The following RBFOX1 variants were observed in gnomAD, a reference collection of about 807,000 sequenced individuals.
The protein encoded by RBFOX1 is RNA binding fox-1 homolog 1, also known as RNA binding protein fox-1 homolog 1.
Under a neutral mutation model 57.7 loss-of-function variants are expected in RBFOX1, and 8 were observed. The ratio of observed to expected loss-of-function variants is 0.14; its 90% CI spans 0.08 to 0.25. The LOEUF (loss-of-function observed/expected upper bound fraction) is 0.25. Among genes scored for constraint, RBFOX1 ranks in the 10% least tolerant of loss-of-function variants. The pLI, the probability that RBFOX1 is intolerant of heterozygous loss-of-function variation, is 1.00. For missense variants in RBFOX1, 611 were observed against 548.5 expected (o/e 1.11, Z -1.14); for synonymous variants, 326 against 222.4 (o/e 1.47, Z -4.15).
At chr16:7,507,962 C>T (rs375988456) in intron 4 of RBFOX1, among the ~76,000 whole-genome samples, 2 of 151,834 alleles carry the variant, frequency 1.3e-5, no homozygotes, top group African/African-American at 4.8e-5. Context: ...AGCTGAAACT[C>T]TTTAACTCTT....
At chr16:6,056,997 G>C (rs531078570) in intron 1 of RBFOX1, 2 of 152,136 alleles carry the variant, frequency 1.3e-5, no homozygotes, top group South Asian at 4.1e-4. Flanking sequence ...GTTTGTGTTC[G>C]TGAATGCCCT....
intron 1 of RBFOX1, among the ~76,000 whole-genome samples, chr16:6,193,803 C>A (rs1400868161): frequency 6.6e-6 from 1 of 152,118 alleles, no homozygotes; most frequent in Non-Finnish European, 1.5e-5. Context: ...GCACATCCCT[C>A]CTTCCTTTTG....
At chr16:7,327,451 TTGTG>T (rs1264151440) in intron 4 of RBFOX1, among the ~76,000 whole-genome samples, 2 of 152,188 alleles carry the variant, frequency 1.3e-5, no homozygotes, top group African/African-American at 4.8e-5. Flanking sequence ...AAGTGAGTGA[TTGTG>T]TGAGTAATTA....
At chr16:7,132,827 C>A (rs141147060) in intron 4 of RBFOX1, among the ~76,000 whole-genome samples, 3 of 151,994 alleles carry the variant, frequency 2.0e-5, no homozygotes, top group African/African-American at 4.8e-5. Flanking sequence ...AAAAAAGATA[C>A]ATCTTTCAGT....
chr16:5,836,122 G>A (rs1336411281), intron 3 of RBFOX1, among the ~76,000 whole-genome samples: 1 of 152,186 alleles, frequency 6.6e-6, no homozygotes, highest in African/African-American at 2.4e-5. Context: ...TGCAGTGACT[G>A]GAGGCTGAGC....
intron 2 of RBFOX1, among the ~76,000 whole-genome samples, chr16:5,594,892 G>A (rs1048930054): frequency 7.3e-5 from 11 of 151,262 alleles, no homozygotes; most frequent in African/African-American, 2.2e-4. Context: ...AGCACTTTGG[G>A]AGGTTGAAGC....
intron 4 of RBFOX1, among the ~76,000 whole-genome samples, chr16:5,929,886 A>G (rs966532930): frequency 7.1e-6 from 1 of 140,124 alleles, no homozygotes; most frequent in Non-Finnish European, 1.6e-5. Flanking sequence ...AAAGGAGAGA[A>G]TTAATTCTTA....
chr16:5,524,667 A>T (rs1197479310), intron 2 of RBFOX1, among the ~76,000 whole-genome samples: 1 of 151,526 alleles, frequency 6.6e-6, no homozygotes, highest in African/African-American at 2.4e-5. Context: ...CAGCCTTCCA[A>T]GTAGCCGGGA....
chr16:5,869,010 A>G (rs2057405117), intron 4 of RBFOX1, among the ~76,000 whole-genome samples: 1 of 152,164 alleles, frequency 6.6e-6, no homozygotes, highest in Non-Finnish European at 1.5e-5. Flanking sequence ...GATGATCCCT[A>G]TTTCACAGAA....
At chr16:6,007,849 T>C (rs1006061038) in intron 4 of RBFOX1, among the ~76,000 whole-genome samples, 1 of 152,038 alleles carries the variant, frequency 6.6e-6, no homozygotes, top group Non-Finnish European at 1.5e-5. Context: ...CGTGGGGACA[T>C]TGATGACATC....
intron 1 of RBFOX1, among the ~76,000 whole-genome samples, chr16:6,299,661 G>A (rs1331670697): frequency 6.6e-6 from 1 of 152,112 alleles, no homozygotes; most frequent in Non-Finnish European, 1.5e-5. Context: ...CCTTCTCAGA[G>A]ATCCCTAATG....
intron 4 of RBFOX1, among the ~76,000 whole-genome samples, chr16:7,474,514 A>T (rs1224164981): frequency 1.3e-5 from 2 of 152,216 alleles, no homozygotes; most frequent in Non-Finnish European, 2.9e-5. Flanking sequence ...GTGAACAGCC[A>T]ACTATTTAGG....
chr16:7,018,191 C>A (rs143057030), intron 3 of RBFOX1, among the ~76,000 whole-genome samples: 1 of 152,204 alleles, frequency 6.6e-6, no homozygotes, highest in East Asian at 1.9e-4. Flanking sequence ...ATTCGTGGAT[C>A]CTGCAAGTTA....
At chr16:7,159,037 C>A (rs1243434004) in intron 4 of RBFOX1, among the ~76,000 whole-genome samples, 1 of 151,940 alleles carries the variant, frequency 6.6e-6, no homozygotes, top group Non-Finnish European at 1.5e-5. Context: ...CCCGTCCCTA[C>A]CTGCTGGCAA....
chr16:6,183,470 G>A (rs2097081502), intron 1 of RBFOX1, among the ~76,000 whole-genome samples: 6 of 140,966 alleles, frequency 4.3e-5, no homozygotes, highest in South Asian at 4.5e-4. Context: ...ACAGAGCAAG[G>A]CTCCATCTAA....
At chr16:7,210,622 G>T (rs1179467155) in intron 4 of RBFOX1, among the ~76,000 whole-genome samples, 1 of 152,120 alleles carries the variant, frequency 6.6e-6, no homozygotes, top group African/African-American at 2.4e-5. Flanking sequence ...TGATGATGAT[G>T]ACAACTGCTA....
At chr16:5,791,061 G>A (rs560782874) in intron 3 of RBFOX1, among the ~76,000 whole-genome samples, 1 of 152,074 alleles carries the variant, frequency 6.6e-6, no homozygotes, top group South Asian at 2.1e-4. Context: ...TAGAGATGGA[G>A]TTTCACCATG....
intron 3 of RBFOX1, among the ~76,000 whole-genome samples, chr16:5,742,212 T>C (rs1022754537): frequency 8.6e-6 from 1 of 116,628 alleles, no homozygotes; most frequent in Non-Finnish European, 1.8e-5. Flanking sequence ...TCCTTCCTCC[T>C]TTCCTTCCTC....
intron 4 of RBFOX1, among the ~76,000 whole-genome samples, chr16:7,285,867 C>T (rs181951968): frequency 1.3e-5 from 2 of 152,234 alleles, no homozygotes; most frequent in East Asian, 3.9e-4. Context: ...TTTGTGTGAA[C>T]ACAAGATTCC....
Sources: allele counts gnomAD v4.1 joint callset (sites outside exome capture counted in the v4.1 genomes callset), GRCh38; gene constraint gnomAD v4.1.1; transcripts MANE v1.5; gene names NCBI Gene and HGNC (gene_info 2026-07-23, HGNC 2026-07-21).